Variants in GNAQ observed in about 807,000 individuals in gnomAD.
GNAQ encodes the protein G protein subunit alpha q.
GNAQ carries 8 observed loss-of-function variants against 43.9 expected under a neutral mutation model. The observed-to-expected ratio is 0.18, with a 90% CI of 0.11 to 0.33. GNAQ has a LOEUF of 0.33. Ranked by LOEUF, GNAQ falls within the 10% of genes least tolerant of loss-of-function variation. The pLI is 1.00. For synonymous variants in GNAQ, 155 were observed against 170.7 expected, an observed-to-expected ratio of 0.91 and a Z score of 0.71; for missense variants, 158 against 450.8, an observed-to-expected ratio of 0.35 and a Z score of 5.88.
At chr9:77,909,485 C>T (rs1269277325) in intron 2 of GNAQ, among the ~76,000 whole-genome samples, 1 of 152,102 alleles carries the variant, frequency 6.6e-6, no homozygotes, top group Non-Finnish European at 1.5e-5. Flanking sequence ...AGGCCAATAT[C>T]GACAACACTC....
intron 5 of GNAQ, among the ~76,000 whole-genome samples, chr9:77,750,614 T>C (rs1825797774): frequency 6.6e-6 from 1 of 152,184 alleles, no homozygotes; most frequent in South Asian, 2.1e-4. Context: ...TTTTGTTTTA[T>C]TACCTTTATT....
At chr9:77,899,301 T>C (rs1471296461) in intron 2 of GNAQ, among the ~76,000 whole-genome samples, 2 of 152,042 alleles carry the variant, frequency 1.3e-5, no homozygotes, top group Admixed American at 6.6e-5. Flanking sequence ...TTCACCATCT[T>C]GGCAAGGTTG....
intron 2 of GNAQ, among the ~76,000 whole-genome samples, chr9:77,909,903 T>C (rs148330931): frequency 1.1e-4 from 16 of 152,254 alleles, no homozygotes; most frequent in Admixed American, 3.9e-4. Context: ...TAATATAACA[T>C]GAAATGACAC....
chr9:77,941,742 C>T (rs967985942), intron 1 of GNAQ, among the ~76,000 whole-genome samples: 1 of 152,198 alleles, frequency 6.6e-6, no homozygotes, highest in Non-Finnish European at 1.5e-5. Flanking sequence ...AAATAACAGT[C>T]CATCCATATG....
chr9:77,830,748 C>A (rs1168153217), intron 2 of GNAQ, among the ~76,000 whole-genome samples: 2 of 152,048 alleles, frequency 1.3e-5, no homozygotes, highest in African/African-American at 2.4e-5. Flanking sequence ...AAAACTTGTG[C>A]TGCAAAAAAA....
intron 2 of GNAQ, among the ~76,000 whole-genome samples, chr9:77,863,366 G>C (rs1161442071): frequency 6.6e-6 from 1 of 152,156 alleles, no homozygotes; most frequent in African/African-American, 2.4e-5. Context: ...CATAACAAGA[G>C]TCACCTTTGC....
At chr9:78,005,549 T>C (rs1447860292) in intron 1 of GNAQ, among the ~76,000 whole-genome samples, 1 of 152,234 alleles carries the variant, frequency 6.6e-6, no homozygotes, top group Non-Finnish European at 1.5e-5. Context: ...TTACTCACAG[T>C]AGTTACCAAA....
At chr9:77,923,846 G>GA (rs998439612) in intron 1 of GNAQ, among the ~76,000 whole-genome samples, 2 of 151,634 alleles carry the variant, frequency 1.3e-5, no homozygotes, top group Non-Finnish European at 2.9e-5. Flanking sequence ...GAAGGAGGGA[G>GA]AAAAAAAATA....
chr9:78,028,643 A>G (rs1462113484), intron 1 of GNAQ, among the ~76,000 whole-genome samples: 2 of 152,224 alleles, frequency 1.3e-5, no homozygotes, highest in African/African-American at 4.8e-5. Flanking sequence ...ATATTAGTAG[A>G]TCTTTAAACT....
intron 1 of GNAQ, among the ~76,000 whole-genome samples, chr9:77,960,563 A>G (rs192437944): frequency 1.2e-4 from 18 of 152,318 alleles, no homozygotes; most frequent in African/African-American, 3.8e-4. Flanking sequence ...TGGTTTGCAC[A>G]GGAAAGGCAT....
At chr9:78,026,399 A>G (rs140044903) in intron 1 of GNAQ, among the ~76,000 whole-genome samples, 184 of 152,326 alleles carry the variant, frequency 1.2e-3, no homozygotes, top group African/African-American at 4.2e-3. Flanking sequence ...GATATAAACT[A>G]TAAGTACTTT....
rs964378940 is a variant in GNAQ at position 78,030,470 on chromosome 9, T to C, written c.136+630A>G. On this transcript the variant is annotated intron_variant, in intron 1 of 6. Coordinates refer to ENST00000286548, the MANE Select transcript of GNAQ (RefSeq NM_002072.5). ...GCTTGCCCTCCCGCCTCGCCCCCAG[T>C]ACACAGACCCTTTCCTTGGAGGGCC... 4.9e-5 allele frequency: 23 copies of C among 469,428 alleles called. No homozygotes were observed. The East Asian group carries it at 1.0e-3, about 21-fold the overall frequency. 29.1% of individuals were successfully genotyped at this position (469,428 alleles called of 1,614,324 possible).
chr9:77,822,664 CAG>C (rs1176969615), intron 2 of GNAQ, among the ~76,000 whole-genome samples: 2 of 147,678 alleles, frequency 1.4e-5, no homozygotes, highest in Non-Finnish European at 3.0e-5. Context: ...CCAAGAATTT[CAG>C]AGTCTTACAT....
intron 2 of GNAQ, among the ~76,000 whole-genome samples, chr9:77,832,536 A>G (rs1400087038): frequency 6.6e-6 from 1 of 152,204 alleles, no homozygotes; most frequent in Non-Finnish European, 1.5e-5. Flanking sequence ...AGTTAACATT[A>G]AATTGTGTAT....
At chr9:77,876,658 G>A (rs1300677666) in intron 2 of GNAQ, among the ~76,000 whole-genome samples, 2 of 152,164 alleles carry the variant, frequency 1.3e-5, no homozygotes, top group Non-Finnish European at 2.9e-5. Flanking sequence ...CTAAGCACTG[G>A]ACATTAATTC....
At chr9:77,940,398 C>T (rs367920384) in intron 1 of GNAQ, among the ~76,000 whole-genome samples, 1 of 152,036 alleles carries the variant, frequency 6.6e-6, no homozygotes, top group East Asian at 1.9e-4. Context: ...TTGGGCAACA[C>T]GGCAAAGCCC....
intron 2 of GNAQ, among the ~76,000 whole-genome samples, chr9:77,919,002 C>A (rs1359798280): frequency 6.6e-6 from 1 of 152,176 alleles, no homozygotes; most frequent in Non-Finnish European, 1.5e-5. Flanking sequence ...TCACTGCAAC[C>A]TCCACCTCCA....
At chr9:77,841,211 A>G (rs933446225) in intron 2 of GNAQ, among the ~76,000 whole-genome samples, 6 of 152,362 alleles carry the variant, frequency 3.9e-5, no homozygotes, top group Middle Eastern at 3.4e-3. Flanking sequence ...AAAAGAAAAA[A>G]AGAAAACTCC....
intron 2 of GNAQ, among the ~76,000 whole-genome samples, chr9:77,878,225 GTTT>G (rs373943232): frequency 2.4e-5 from 3 of 126,288 alleles, no homozygotes; most frequent in Admixed American, 7.8e-5. Context: ...GGTATTTGGT[GTTT>G]TTTTTTTTTT....
Sources: gnomAD v4.1 joint callset for allele counts (sites outside exome capture counted in the v4.1 genomes callset) on GRCh38, gnomAD v4.1.1 for gene constraint, MANE v1.5 for transcripts, NCBI Gene and HGNC (gene_info 2026-07-23, HGNC 2026-07-21) for gene names.